The following KSR2 variants were observed in gnomAD, a reference collection of about 807,000 sequenced individuals.
The protein encoded by KSR2 is kinase suppressor of ras 2.
Under a neutral mutation model 107.8 loss-of-function variants are expected in KSR2, and 25 were observed. That is an observed-to-expected ratio of 0.23 (90% CI 0.17 to 0.32). The LOEUF is 0.32. Ranked by LOEUF, KSR2 falls within the 10% of genes least tolerant of loss-of-function variation. KSR2 has a pLI of 1.00. For missense variants in KSR2, 887 were observed against 1,268.9 expected, an observed-to-expected ratio of 0.70 and a Z score of 4.57; for synonymous variants, 480 against 507.0, an observed-to-expected ratio of 0.95 and a Z score of 0.71.
chr12:117,938,589 C>CAA (rs201839934), intron 1 of KSR2, among the ~76,000 whole-genome samples: 4,464 of 131,938 alleles, frequency 0.034, 211 homozygotes, highest in African/African-American at 0.11. Flanking sequence ...TAAATAAAGG[C>CAA]AAAAAAAAAA....
chr12:117,476,789 G>T (rs575332208), intron 16 of KSR2, among the ~76,000 whole-genome samples, 194 bp from the exon 17 acceptor site: 1 of 152,248 alleles, frequency 6.6e-6, no homozygotes, highest in East Asian at 1.9e-4. Context: ...AAACACTCAG[G>T]ATCCAAACCA....
intron 6 of KSR2, among the ~76,000 whole-genome samples, chr12:117,581,006 G>A (rs1004889611): frequency 6.6e-6 from 1 of 152,138 alleles, no homozygotes. Context: ...GCAGTGAGGA[G>A]GAAAATACAA....
intron 12 of KSR2, among the ~76,000 whole-genome samples, chr12:117,527,366 C>A (rs1218172233): frequency 6.7e-6 from 1 of 148,998 alleles, no homozygotes; most frequent in Non-Finnish European, 1.5e-5. Context: ...CACACACACA[C>A]AACACAGTGC....
At chr12:117,571,529 G>C (rs990595464) in intron 7 of KSR2, among the ~76,000 whole-genome samples, 1 of 152,154 alleles carries the variant, frequency 6.6e-6, no homozygotes. Context: ...TGCAAGGTAC[G>C]AGCCATTTGC....
At chr12:117,707,730 A>G (rs1179177567) in intron 4 of KSR2, among the ~76,000 whole-genome samples, 1 of 152,210 alleles carries the variant, frequency 6.6e-6, no homozygotes, top group African/African-American at 2.4e-5. Context: ...AAATGAGGAC[A>G]CGGAGAGTCA....
At chr12:117,803,897 G>C (rs911117227) in intron 3 of KSR2, among the ~76,000 whole-genome samples, 3 of 152,144 alleles carry the variant, frequency 2.0e-5, no homozygotes, top group Non-Finnish European at 2.9e-5. Flanking sequence ...GGTCATAGTG[G>C]TTGAAACTGG....
intron 5 of KSR2, among the ~76,000 whole-genome samples, chr12:117,595,912 C>T (rs1020233474): frequency 1.3e-5 from 2 of 152,176 alleles, no homozygotes; most frequent in Non-Finnish European, 2.9e-5. Flanking sequence ...TTGACCAAGG[C>T]TTGGTAAGGC....
chr12:117,955,868 G>C (rs1406544867), intron 1 of KSR2, among the ~76,000 whole-genome samples: 1 of 150,628 alleles, frequency 6.6e-6, no homozygotes, highest in Non-Finnish European at 1.5e-5. Flanking sequence ...AAAAAAAAAG[G>C]AAAGTACATA....
chr12:117,724,312 C>CA (rs57095721), intron 4 of KSR2, among the ~76,000 whole-genome samples: 12,633 of 111,746 alleles, frequency 0.11, 645 homozygotes, highest in Middle Eastern at 0.18. Context: ...CACCCTGTCT[C>CA]AAAAAAAAAA....
chr12:117,528,789 A>T (rs1875404140), intron 12 of KSR2, among the ~76,000 whole-genome samples: 1 of 152,220 alleles, frequency 6.6e-6, no homozygotes, highest in Non-Finnish European at 1.5e-5. Context: ...CTCTGCATCA[A>T]GGCGTGATTC....
At chr12:117,927,398 AG>A (rs1895557706) in intron 1 of KSR2, among the ~76,000 whole-genome samples, 1 of 142,016 alleles carries the variant, frequency 7.0e-6, no homozygotes, top group Non-Finnish European at 1.5e-5. Flanking sequence ...CAAAAAAAAA[AG>A]GACCAGGCCT....
chr12:117,763,965 C>T (rs1002279652), intron 3 of KSR2, among the ~76,000 whole-genome samples: 13 of 151,958 alleles, frequency 8.6e-5, no homozygotes, highest in East Asian at 5.8e-4. Flanking sequence ...AGATTTGGGG[C>T]GCAAAGAAAT....
rs1390660812 is a variant in KSR2 at position 117,453,743 on chromosome 12, G to A, written c.*13456C>T. 2 of 152,202 alleles carry A rather than the reference G, an allele frequency of 1.3e-5. No individual in the cohort carries two copies. Among genetic ancestry groups the A allele is most frequent in the South Asian group, 4.1e-4 (2 of 4,834 alleles). The allele number at this position is 152,202 out of a possible 1,614,324, so 9.4% of individuals were successfully genotyped here. Reference sequence around the variant, plus strand: ...GAGAGCGAGAAATGAGAGGCTTGGGGTGGAAACGTTGACCACCTAAGTCTG... The same window carrying A: ...GAGAGCGAGAAATGAGAGGCTTGGGATGGAAACGTTGACCACCTAAGTCTG... On this transcript the variant is annotated 3_prime_UTR_variant, in exon 20 of 20. Transcript: ENST00000339824.
rs560822030 is a variant in KSR2, at chr12:117,845,660, G to A, written c.472+9768C>T. ...ATTGAAATTGAAATGCCTTAAAAGC[G>A]GAACTGAGACTCTTTTTCTTTCTTT... is the stretch of plus-strand genomic sequence containing the variant. On this transcript the variant is annotated intron_variant, in intron 3 of 19. Coordinates refer to ENST00000339824, the MANE Select transcript of KSR2 (RefSeq NM_173598.6). Among the ~76,000 whole-genome samples the A allele has an allele frequency of 9.0e-4, 137 of 151,850 alleles. 4 individuals are homozygous for A. In the South Asian group the frequency reaches 0.026, roughly 29 times the overall value.
At chr12:117,519,507 A>G (rs1252177575) in intron 14 of KSR2, among the ~76,000 whole-genome samples, 1 of 152,128 alleles carries the variant, frequency 6.6e-6, no homozygotes, top group Non-Finnish European at 1.5e-5. Context: ...ACCACATGAT[A>G]CGAAGCACAG....
At position 117,520,899 on chromosome 12, in the gene KSR2, T is replaced by G. The variant is rs571946427; in HGVS notation, c.2219+3953A>C. On this transcript the variant is annotated intron_variant, in intron 14 of 19. Transcript: ENST00000339824. ...GTTGTCACAACTTGACGCTTAGTGC[T>G]ACTGGCATCTAGTGAGTAGAGGCCA... 2.6e-5 allele frequency among the ~76,000 whole-genome samples: 4 copies of G among 152,252 alleles called. No homozygotes were observed. In the South Asian group the frequency reaches 8.3e-4, roughly 32 times the overall value.
chr12:117,692,549 C>CATATAT (rs60792647), intron 4 of KSR2, among the ~76,000 whole-genome samples: 1 of 124,472 alleles, frequency 8.0e-6, no homozygotes, highest in African/African-American at 3.0e-5. Context: ...TATACACATA[C>CATATAT]ATATATATAT....
chr12:117,791,866 A>G lies in KSR2; in HGVS notation c.473-30342T>C, dbSNP rs1470088153. On this transcript the variant is annotated intron_variant, in intron 3 of 19. Transcript: ENST00000339824. The stretch of plus-strand genomic sequence containing the variant: ...TTCACCAACTAAACGTACTCTGTGT[A>G]TTTTAGAACCAGAAACTTCTCTTCT... Among the ~76,000 whole-genome samples, 12 of 152,314 alleles carry G rather than the reference A, an allele frequency of 7.9e-5. 1 individual carries two copies. The highest frequency in any genetic ancestry group is 7.8e-4 in the Admixed American group (12 of 15,298).
chr12:117,562,244 G>C (rs1193981722), intron 7 of KSR2, among the ~76,000 whole-genome samples: 1 of 143,694 alleles, frequency 7.0e-6, no homozygotes, highest in African/African-American at 2.6e-5. Context: ...AGAACAACAC[G>C]AATGGTGGGG....
Sources: allele counts gnomAD v4.1 joint callset (sites outside exome capture counted in the v4.1 genomes callset), GRCh38; gene constraint gnomAD v4.1.1; transcripts MANE v1.5; gene names NCBI Gene and HGNC (gene_info 2026-07-23, HGNC 2026-07-21).